Variants in ZDHHC11B observed in about 807,000 individuals in gnomAD.
ZDHHC11B encodes the protein probable palmitoyltransferase ZDHHC11B.
ZDHHC11B carries 17 observed loss-of-function variants against 42.3 expected under a neutral mutation model. The ratio of observed to expected loss-of-function variants is 0.40; its 90% CI spans 0.27 to 0.60. ZDHHC11B has a LOEUF of 0.60. Ranked by LOEUF, ZDHHC11B falls within the 20% of genes least tolerant of loss-of-function variation. ZDHHC11B has a pLI of 0.41. For synonymous variants in ZDHHC11B, 123 were observed against 193.5 expected (o/e 0.64, Z 3.02); for missense variants, 262 against 463.2 (o/e 0.57, Z 3.99).
intron 12 of ZDHHC11B, 118 bp downstream of exon 12, chr5:730,316 T>C: frequency 1.6e-6 from 2 of 1,261,852 alleles, no homozygotes; most frequent in Admixed American, 3.2e-5. Context: ...ATTTCTACTT[T>C]CCCTTATGTC....
At chr5:724,962 T>TCC (rs1394038612) in intron 12 of ZDHHC11B, among the ~76,000 whole-genome samples, 1 of 146,454 alleles carries the variant, frequency 6.8e-6, no homozygotes, top group Non-Finnish European at 1.5e-5. Flanking sequence ...ACGGCACTTC[T>TCC]GGGCCTTTGT....
chr5:724,371 ATTTTTTT>A (rs386402805), intron 12 of ZDHHC11B, among the ~76,000 whole-genome samples: 3 of 81,414 alleles, frequency 3.7e-5, no homozygotes, highest in East Asian at 4.1e-4. Context: ...AACCCAGCTA[ATTTTTTT>A]TTTTTTTTTT....
At chr5:783,226 C>T (rs2150251692) in intron 1 of ZDHHC11B, among the ~76,000 whole-genome samples, 1 of 152,208 alleles carries the variant, frequency 6.6e-6, no homozygotes, top group Non-Finnish European at 1.5e-5. Context: ...GCTCCGGGAG[C>T]CCGCCCCTCC....
chr5:750,921 G>A (rs573893149), intron 7 of ZDHHC11B, among the ~76,000 whole-genome samples: 12 of 118,752 alleles, frequency 1.0e-4, no homozygotes, highest in African/African-American at 2.1e-4. Context: ...CGTGGCCAGC[G>A]CCCTCCCCGA....
chr5:723,817 G>A (rs1418933213), intron 12 of ZDHHC11B, among the ~76,000 whole-genome samples: 1 of 133,570 alleles, frequency 7.5e-6, no homozygotes, highest in Non-Finnish European at 1.7e-5. Flanking sequence ...AATCTCTGGT[G>A]CCACAGAAGG....
chr5:750,659 G>A (rs1336684058), intron 7 of ZDHHC11B, among the ~76,000 whole-genome samples: 2 of 124,190 alleles, frequency 1.6e-5, no homozygotes, highest in African/African-American at 2.7e-5. Flanking sequence ...ATTGGTTCCC[G>A]AGGCCCAGGC....
In ZDHHC11B at chr5:776,987, A is replaced by G. The variant is rs1240226732; in HGVS notation, c.-230+7681T>C. On this transcript the variant is annotated intron_variant, in intron 1 of 13. Transcript: ENST00000508859. ...AGCTCCCAATCAGAACAAAGCTGGC[A>G]GTTTTGAGTCCGTGCCTTTCCCCCT... Among the ~76,000 whole-genome samples the G allele has an allele frequency of 1.3e-5, 2 of 151,896 alleles. 1 individual carries two copies. The highest frequency in any genetic ancestry group is 4.8e-5 in the African/African-American group (2 of 41,340).
intron 6 of ZDHHC11B, among the ~76,000 whole-genome samples, chr5:754,212 G>T (rs200433568): frequency 7.7e-4 from 35 of 45,386 alleles, no homozygotes; most frequent in South Asian, 2.3e-3. Flanking sequence ...CCATGCTCAG[G>T]GGAAACACGT....
intron 1 of ZDHHC11B, among the ~76,000 whole-genome samples, chr5:778,488 G>A (rs201684016): frequency 0.27 from 38,569 of 142,596 alleles, 2,347 homozygotes; most frequent in African/African-American, 0.48. Flanking sequence ...TGCAGAACCA[G>A]GGGCTGGTCC....
In ZDHHC11B at chr5:766,678, T is replaced by C. The variant is rs1394676826; in HGVS notation, c.222+20A>G. On this transcript the variant is annotated intron_variant, in intron 4 of 13. Coordinates refer to ENST00000508859, the MANE Select transcript of ZDHHC11B (RefSeq NM_001351303.2). ...CCAGGAACCCCTCCCGCTTAGACCA[T>C]GCCACGATGAAAAGGATACCACATA... 3.8e-6 allele frequency: 6 copies of C among 1,593,650 alleles called. No homozygotes were observed. The highest frequency in any genetic ancestry group is 1.3e-5 in the African/African-American group (1 of 74,528).
chr5:732,552 G>C (rs1447762305), intron 11 of ZDHHC11B: 1 of 409,760 alleles, frequency 2.4e-6, no homozygotes, highest in Non-Finnish European at 4.9e-6. Context: ...TGCAGGCAAG[G>C]GGCAAGTCTT....
At chr5:712,930 A>G (rs1246027285) in intron 13 of ZDHHC11B, among the ~76,000 whole-genome samples, 35 of 148,186 alleles carry the variant, frequency 2.4e-4, no homozygotes, top group South Asian at 8.6e-4. Flanking sequence ...GTGTGTGTGT[A>G]TATATATATA....
chr5:729,337 C>T (rs569920158), intron 12 of ZDHHC11B, among the ~76,000 whole-genome samples: 13 of 151,082 alleles, frequency 8.6e-5, no homozygotes, highest in Non-Finnish European at 1.8e-4. Flanking sequence ...GTGGCAGAGA[C>T]CCCAGAGGTC....
rs1229659352 is a variant in ZDHHC11B, at chr5:766,622, G to C, written c.222+76C>G. On this transcript the variant is annotated intron_variant, in intron 4 of 13. Coordinates refer to ENST00000508859, the MANE Select transcript of ZDHHC11B (RefSeq NM_001351303.2). ...GGTGCCACCGGGCAGCCATGGCCCAGACCCCACAGCCAGGTCCATCGCAGG... is the reference window on the plus strand; with the variant it reads ...GGTGCCACCGGGCAGCCATGGCCCACACCCCACAGCCAGGTCCATCGCAGG... 16 of 1,453,928 alleles carry C rather than the reference G, an allele frequency of 1.1e-5. 1 individual carries two copies. In the South Asian group the frequency reaches 1.8e-4, roughly 16 times the overall value. 90.1% of individuals were successfully genotyped at this position (1,453,928 alleles called of 1,614,324 possible).
intron 12 of ZDHHC11B, among the ~76,000 whole-genome samples, chr5:717,370 G>A (rs1244114223): frequency 1.3e-5 from 2 of 151,706 alleles, no homozygotes; most frequent in Non-Finnish European, 2.9e-5. Flanking sequence ...TTGTTTATGT[G>A]TGCTGGGCAG....
intron 1 of ZDHHC11B, among the ~76,000 whole-genome samples, chr5:777,646 T>C (rs1484554687): frequency 6.6e-6 from 1 of 151,932 alleles, no homozygotes; most frequent in Admixed American, 6.6e-5. Context: ...AATTGGTCCG[T>C]TTTACAGAGC....
chr5:712,834 G>A (rs1387933973), intron 13 of ZDHHC11B, among the ~76,000 whole-genome samples: 5 of 151,620 alleles, frequency 3.3e-5, no homozygotes, highest in South Asian at 2.1e-4. Context: ...TTGTGAACCC[G>A]GGAGGCGGAG....
At chr5:773,165 G>A (rs1404360167) in intron 1 of ZDHHC11B, among the ~76,000 whole-genome samples, 3 of 151,842 alleles carry the variant, frequency 2.0e-5, no homozygotes, top group Admixed American at 6.6e-5. Flanking sequence ...GGTGTCAGAC[G>A]GACAACGAGC....
intron 4 of ZDHHC11B, among the ~76,000 whole-genome samples, chr5:765,159 A>G (rs1735098188): frequency 6.7e-6 from 1 of 148,526 alleles, no homozygotes; most frequent in African/African-American, 2.5e-5. Context: ...AAATGCACCA[A>G]TCAGCACTCT....
Sources: allele counts gnomAD v4.1 joint callset (sites outside exome capture counted in the v4.1 genomes callset), GRCh38; gene constraint gnomAD v4.1.1; transcripts MANE v1.5; gene names NCBI Gene and HGNC (gene_info 2026-07-23, HGNC 2026-07-21).